Variants in PANK1 observed in about 807,000 individuals in gnomAD.
PANK1 encodes the protein pantothenic acid kinase 1.
A neutral mutation model predicts 40.1 loss-of-function variants in PANK1; 18 were observed. The ratio of observed to expected loss-of-function variants is 0.45; its 90% confidence interval spans 0.31 to 0.67. The LOEUF (loss-of-function observed/expected upper bound fraction) is 0.67, where lower values mean the gene tolerates loss of function less well. PANK1 is among the 30% of genes least tolerant of loss of function. PANK1 has a pLI of 0.06. For missense variants in PANK1, 457 were observed against 599.6 expected (o/e 0.76, Z 2.48); for synonymous variants, 242 against 237.7 (o/e 1.02, Z -0.17).
intron 3 of PANK1, among the ~76,000 whole-genome samples, chr10:89,594,428 T>G (rs1339976886): frequency 6.6e-6 from 1 of 152,226 alleles, no homozygotes; most frequent in Non-Finnish European, 1.5e-5. Flanking sequence ...AATTTGTGTG[T>G]ACATAAAGCA....
chr10:89,603,039 G>A (rs1372696250), intron 2 of PANK1, among the ~76,000 whole-genome samples: 1 of 151,952 alleles, frequency 6.6e-6, no homozygotes, highest in African/African-American at 2.4e-5. Context: ...ATCCTATAAT[G>A]AGCCTTAAAT....
chr10:89,640,741 A>AT (rs1841945693), intron 1 of PANK1, among the ~76,000 whole-genome samples: 1 of 152,260 alleles, frequency 6.6e-6, no homozygotes, highest in Non-Finnish European at 1.5e-5. Context: ...CCTGTCAGTT[A>AT]AAACCAATAC....
chr10:89,635,465 T>G (rs1359567693), intron 1 of PANK1, among the ~76,000 whole-genome samples: 3 of 152,180 alleles, frequency 2.0e-5, no homozygotes, highest in Non-Finnish European at 4.4e-5. Context: ...GATGGTGCCC[T>G]CATGACCTAA....
At chr10:89,626,054 C>T (rs1845651347) in intron 1 of PANK1, 1 of 152,194 alleles carries the variant, frequency 6.6e-6, no homozygotes, top group Non-Finnish European at 1.5e-5. Context: ...TCACCTTCTC[C>T]CCTTCATGCC....
At chr10:89,611,072 G>A (rs948407011) in intron 2 of PANK1, among the ~76,000 whole-genome samples, 3 of 152,072 alleles carry the variant, frequency 2.0e-5, no homozygotes, top group African/African-American at 4.8e-5. Flanking sequence ...AATGAGCAAC[G>A]TACAGTTTGT....
chr10:89,597,658 G>T (rs1395293537), intron 3 of PANK1, among the ~76,000 whole-genome samples: 1 of 152,198 alleles, frequency 6.6e-6, no homozygotes, highest in Admixed American at 6.5e-5. Flanking sequence ...TCATTAAATT[G>T]TTAAGTGTTA....
chr10:89,639,013 T>C (rs1841899428), intron 1 of PANK1: 2 of 265,398 alleles, frequency 7.5e-6, no homozygotes, highest in South Asian at 7.4e-5. Flanking sequence ...AAAACCGCTT[T>C]CACATTTTCA....
intron 5 of PANK1, among the ~76,000 whole-genome samples, chr10:89,592,577 T>C (rs1844429622): frequency 6.6e-6 from 1 of 152,238 alleles, no homozygotes; most frequent in Non-Finnish European, 1.5e-5. Context: ...CTTTCTAATA[T>C]ACCTCAGTGT....
downstream of PANK1, chr10:89,582,172 C>T (rs963200112): frequency 1.3e-5 from 2 of 152,168 alleles, no homozygotes; most frequent in Admixed American, 6.5e-5. Context: ...TATCTTTGAA[C>T]TGGTAACTGA....
At chr10:89,621,177 T>C (rs1845473380) in intron 1 of PANK1, among the ~76,000 whole-genome samples, 1 of 152,110 alleles carries the variant, frequency 6.6e-6, no homozygotes, top group Admixed American at 6.5e-5. Flanking sequence ...GGCACATGCC[T>C]GTAATCCTAG....
At chr10:89,618,532 G>C (rs1845387135) in intron 1 of PANK1, among the ~76,000 whole-genome samples, 1 of 152,202 alleles carries the variant, frequency 6.6e-6, no homozygotes, top group Non-Finnish European at 1.5e-5. Flanking sequence ...CCTGTAAGAG[G>C]GAGAGTGAGA....
intron 1 of PANK1, among the ~76,000 whole-genome samples, chr10:89,620,723 C>T (rs936653972): frequency 1.3e-5 from 2 of 152,176 alleles, no homozygotes; most frequent in African/African-American, 4.8e-5. Flanking sequence ...GTTCGTACCC[C>T]CTTCCCCTTT....
chr10:89,595,869 T>A (rs1189944754), intron 3 of PANK1, among the ~76,000 whole-genome samples: 24 of 115,438 alleles, frequency 2.1e-4, no homozygotes, highest in Non-Finnish European at 3.3e-4. Flanking sequence ...TATATATATA[T>A]ATATAACTTC....
chr10:89,587,671 G>A (rs1273998927), intron 6 of PANK1, among the ~76,000 whole-genome samples: 1 of 152,094 alleles, frequency 6.6e-6, no homozygotes, highest in Admixed American at 6.5e-5. Context: ...TCAAAAATAG[G>A]CGTTGGTCTC....
At chr10:89,632,374 CCATAAA>C (rs2133020455) in intron 1 of PANK1, among the ~76,000 whole-genome samples, 1 of 152,172 alleles carries the variant, frequency 6.6e-6, no homozygotes, top group East Asian at 1.9e-4. Context: ...CTTATCCTAA[CCATAAA>C]CATATAATGA....
chr10:89,611,469 A>C (rs1226952768), intron 2 of PANK1, among the ~76,000 whole-genome samples: 1 of 152,246 alleles, frequency 6.6e-6, no homozygotes, highest in Admixed American at 6.5e-5. Flanking sequence ...TATATTGAGC[A>C]CTTACTAAGT....
intron 6 of PANK1, 63 bp downstream of exon 6, chr10:89,588,589 A>T: frequency 7.5e-7 from 1 of 1,336,446 alleles, no homozygotes; most frequent in Non-Finnish European, 1.0e-6. Flanking sequence ...AGACCTGCTG[A>T]TATGTTAGCC....
rs144385469 is a variant in PANK1, at chr10:89,624,549, A to G, written c.293-12501T>C. ...TACCACCATCCACTTTGCATTTGCAATGTGAACCTGGTCTCTGTGACTTGT... is the reference window on the plus strand; with the variant it reads ...TACCACCATCCACTTTGCATTTGCAGTGTGAACCTGGTCTCTGTGACTTGT... On this transcript the variant is annotated intron_variant, in intron 1 of 6. Coordinates refer to ENST00000307534, the MANE Select transcript of PANK1 (RefSeq NM_148977.3). 6.6e-4 allele frequency among the ~76,000 whole-genome samples: 100 copies of G among 152,356 alleles called. 1 individual carries two copies. The East Asian group carries it at 0.017, about 26-fold the overall frequency.
intron 6 of PANK1, among the ~76,000 whole-genome samples, chr10:89,584,757 C>T (rs1844144093): frequency 1.3e-5 from 2 of 152,144 alleles, no homozygotes; most frequent in South Asian, 2.1e-4. Flanking sequence ...CATGGCAAAA[C>T]ACTGACTATT....
Sources: allele counts gnomAD v4.1 joint callset (sites outside exome capture counted in the v4.1 genomes callset), GRCh38; gene constraint gnomAD v4.1.1; transcripts MANE v1.5; gene names NCBI Gene and HGNC (gene_info 2026-07-23, HGNC 2026-07-21).